N4BP2L2: variants seen among roughly 807,000 people sequenced by gnomAD.
The protein encoded by N4BP2L2 is NEDD4 binding protein 2 like 2.
In N4BP2L2, 50 loss-of-function variants were observed where a neutral mutation model predicts 56.2. That is an observed-to-expected ratio of 0.89 (90% CI 0.71 to 1.13). The LOEUF (loss-of-function observed/expected upper bound fraction) is 1.13. Ranked by LOEUF, N4BP2L2 falls within the 50% of genes most tolerant of loss-of-function variation. The pLI is 0.00. For missense variants in N4BP2L2, 689 were observed against 693.8 expected (o/e 0.99, Z 0.08); for synonymous variants, 203 against 223.6 (o/e 0.91, Z 0.82).
At chr13:32,475,314 G>A (rs1252709632) in intron 6 of N4BP2L2, among the ~76,000 whole-genome samples, 1 of 152,192 alleles carries the variant, frequency 6.6e-6, no homozygotes, top group Non-Finnish European at 1.5e-5. Flanking sequence ...GGGCACACAC[G>A]AGGAGTGGGT....
chr13:32,524,626 G>C (rs1364058928), intron 3 of N4BP2L2: 1 of 152,240 alleles, frequency 6.6e-6, no homozygotes, highest in African/African-American at 2.4e-5. Flanking sequence ...ATAGAATGGT[G>C]CCTAGCATTT....
chr13:32,518,628 T>C (rs1476840656), intron 5 of N4BP2L2, among the ~76,000 whole-genome samples: 1 of 152,084 alleles, frequency 6.6e-6, no homozygotes, highest in Non-Finnish European at 1.5e-5. Context: ...ACTATGATAT[T>C]AAGGCCAAAG....
chr13:32,538,846 G>A (rs2057285342), upstream of N4BP2L2: 1 of 985,506 alleles, frequency 1.0e-6, no homozygotes, highest in Non-Finnish European at 1.2e-6. Context: ...GCCAGGCATT[G>A]TGGGAATTGA....
chr13:32,462,861 TAAAAAAAAAAAA>T (rs569068082), intron 6 of N4BP2L2, among the ~76,000 whole-genome samples: 19 of 51,116 alleles, frequency 3.7e-4, no homozygotes, highest in South Asian at 1.3e-3. Flanking sequence ...CTGTCTTTAC[TAAAAAAAAAAAA>T]AAAAAAAAAA....
At chr13:32,510,777 C>T (rs528044319) in exon 6 of N4BP2L2, 4 of 152,210 alleles carry the variant, frequency 2.6e-5, no homozygotes, top group South Asian at 4.1e-4. Context: ...GGATTACAGG[C>T]GTGAGCCACT....
chr13:32,458,883 G>A (rs561253685), intron 6 of N4BP2L2, among the ~76,000 whole-genome samples: 2 of 152,238 alleles, frequency 1.3e-5, no homozygotes, highest in African/African-American at 2.4e-5. Context: ...TAGACCACAT[G>A]TTGGGCCACA....
At chr13:32,456,122 G>A (rs536777594) in intron 6 of N4BP2L2, among the ~76,000 whole-genome samples, 1 of 152,170 alleles carries the variant, frequency 6.6e-6, no homozygotes, top group Admixed American at 6.5e-5. Flanking sequence ...GCCACCCAGA[G>A]GCCCAAGGAT....
chr13:32,471,220 G>A (rs1386831359), intron 6 of N4BP2L2, among the ~76,000 whole-genome samples: 1 of 152,214 alleles, frequency 6.6e-6, no homozygotes, highest in Non-Finnish European at 1.5e-5. Context: ...CAAAGCTTAT[G>A]TGTCAGGCTT....
chr13:32,536,112 G>A lies in N4BP2L2; in HGVS notation c.916C>T (p.Gln306Ter), dbSNP rs2056487441. Reference sequence around the variant, plus strand: ...TGTATCTGAGAGTCATCTTGGGCTTGGAAAATATTTGATGGTGGATTTGGT... The same window carrying A: ...TGTATCTGAGAGTCATCTTGGGCTTAGAAAATATTTGATGGTGGATTTGGT... Residue 306 changes from glutamine to a stop codon, truncating the protein, a stop_gained, in exon 2 of 6, where the codon CAA becomes TAA. Transcript: ENST00000267068. LOFTEE classifies it high-confidence loss of function. 1 of 1,614,042 alleles carries A rather than the reference G, an allele frequency of 6.2e-7. No individual in the cohort carries two copies. The highest frequency in any genetic ancestry group is 1.6e-4 in the Middle Eastern group (1 of 6,062).
At chr13:32,522,749 T>C (rs563948732) in intron 3 of N4BP2L2, 1 of 152,380 alleles carries the variant, frequency 6.6e-6, no homozygotes, top group East Asian at 1.9e-4. Context: ...CTTATGGAGA[T>C]ATTAAAATTG....
intron 6 of N4BP2L2, among the ~76,000 whole-genome samples, chr13:32,457,126 G>A (rs1019080561): frequency 3.3e-5 from 5 of 152,044 alleles, no homozygotes; most frequent in Non-Finnish European, 2.9e-5. Flanking sequence ...GCAACAGAGC[G>A]AGACTCCATC....
intron 6 of N4BP2L2, among the ~76,000 whole-genome samples, chr13:32,497,460 G>A (rs1333892148): frequency 6.6e-6 from 1 of 152,186 alleles, no homozygotes; most frequent in Non-Finnish European, 1.5e-5. Context: ...ACATGATCTG[G>A]AAATCCAGGC....
At chr13:32,433,931 CAAAA>C (rs60540916) in intron 9 of N4BP2L2, among the ~76,000 whole-genome samples, 7 of 86,110 alleles carry the variant, frequency 8.1e-5, no homozygotes, top group Non-Finnish European at 1.1e-4. Flanking sequence ...GACCGTGTCT[CAAAA>C]AAAAAAAAAA....
At chr13:32,438,941 GA>G (rs1307802210) in intron 7 of N4BP2L2, among the ~76,000 whole-genome samples, 1 of 152,224 alleles carries the variant, frequency 6.6e-6, no homozygotes, top group Non-Finnish European at 1.5e-5. Context: ...GGATTCATTT[GA>G]GTTCTTGCCT....
intron 6 of N4BP2L2, among the ~76,000 whole-genome samples, chr13:32,471,082 G>C (rs2082201261): frequency 6.6e-6 from 1 of 152,252 alleles, no homozygotes; most frequent in Non-Finnish European, 1.5e-5. Context: ...GACACCTACA[G>C]TAATCTGTAC....
intron 6 of N4BP2L2, among the ~76,000 whole-genome samples, chr13:32,476,754 G>A (rs1405450536): frequency 6.6e-6 from 1 of 152,134 alleles, no homozygotes; most frequent in African/African-American, 2.4e-5. Context: ...TATACAGCAT[G>A]TAAAATAACC....
At chr13:32,441,717 A>G (rs1164082705) in intron 7 of N4BP2L2, among the ~76,000 whole-genome samples, 1 of 147,240 alleles carries the variant, frequency 6.8e-6, no homozygotes, top group Non-Finnish European at 1.5e-5. Context: ...ATAAATAAAT[A>G]AATAAATAAA....
At position 32,441,021 on chromosome 13, in the gene N4BP2L2, A is replaced by G. The variant is rs376370069; in HGVS notation, c.2104+1367T>C. 1.1e-4 allele frequency among the ~76,000 whole-genome samples: 16 copies of G among 151,562 alleles called. No individual in the cohort carries two copies. The South Asian group carries it at 3.4e-3, about 32-fold the overall frequency. On this transcript the variant is annotated intron_variant, in intron 7 of 9. Transcript: ENST00000357505. ...AGGCACACGCCACCACGCCCGGCTA[A>G]TTTTTGTATTTTTAGTAGAGGCATG... is the stretch of plus-strand genomic sequence containing the variant.
chr13:32,477,948 G>C lies in N4BP2L2; in HGVS notation c.366-33822C>G, dbSNP rs7331146. The stretch of plus-strand genomic sequence containing the variant: ...TGTCAGTCTCCCTTTTGTTCTTGCT[G>C]CTCTTGGTCATGTCCTTGATTCCAG... On this transcript the variant is annotated intron_variant, in intron 6 of 9. Coordinates refer to the N4BP2L2 transcript ENST00000357505. 1,582 of 1,289,352 alleles carry C rather than the reference G, an allele frequency of 1.2e-3. 10 individuals are homozygous for C. In the African/African-American group the frequency reaches 0.022, roughly 18 times the overall value. 79.9% of individuals were successfully genotyped at this position (1,289,352 alleles called of 1,614,324 possible). A position where few individuals can be genotyped will look rare whatever the true frequency, so the allele number is the denominator to read the frequency against.
Sources: allele counts gnomAD v4.1 joint callset (sites outside exome capture counted in the v4.1 genomes callset), GRCh38; gene constraint gnomAD v4.1.1; transcripts MANE v1.5; gene names NCBI Gene and HGNC (gene_info 2026-07-23, HGNC 2026-07-21).